Variants in DLGAP1 observed in about 807,000 individuals in gnomAD.
DLGAP1 encodes DLG associated protein 1.
In DLGAP1, 11 loss-of-function variants were observed where a neutral mutation model predicts 90.8. That is an observed-to-expected ratio of 0.12 (90% CI 0.08 to 0.20). The LOEUF is 0.20. DLGAP1 is among the 10% of genes least tolerant of loss of function. DLGAP1 has a pLI of 1.00. For synonymous variants in DLGAP1, 558 were observed against 540.7 expected (o/e 1.03, Z -0.44); for missense variants, 1,050 against 1,333.8 (o/e 0.79, Z 3.31).
intron 4 of DLGAP1, among the ~76,000 whole-genome samples, chr18:3,851,180 C>T (rs2069318607): frequency 6.6e-6 from 1 of 152,098 alleles, no homozygotes; most frequent in Non-Finnish European, 1.5e-5. Context: ...TGTTGAATAT[C>T]CACTCCCCAA....
intron 9 of DLGAP1, among the ~76,000 whole-genome samples, chr18:3,546,651 GA>G (rs139504155): frequency 0.54 from 79,474 of 148,522 alleles, 25,644 homozygotes; most frequent in Non-Finnish European, 0.69. Flanking sequence ...ATGGGTTAAA[GA>G]AAAAAAAAAT....
At chr18:3,501,527 C>T (rs1200504730) in intron 12 of DLGAP1, among the ~76,000 whole-genome samples, 2 of 152,142 alleles carry the variant, frequency 1.3e-5, no homozygotes, top group Non-Finnish European at 2.9e-5. Context: ...ACAGATGGTC[C>T]CTTGGGACTG....
chr18:4,377,649 T>A (rs2082041289), intron 1 of DLGAP1, among the ~76,000 whole-genome samples: 1 of 152,144 alleles, frequency 6.6e-6, no homozygotes. Flanking sequence ...ATTATTACTT[T>A]CTTATAAAAT....
intron 2 of DLGAP1, among the ~76,000 whole-genome samples, chr18:4,005,749 T>G (rs1300945185): frequency 6.6e-6 from 1 of 152,188 alleles, no homozygotes; most frequent in Non-Finnish European, 1.5e-5. Flanking sequence ...AATCAAGTGC[T>G]CCATAGTCTC....
At chr18:3,713,401 C>T (rs1038553406) in intron 7 of DLGAP1, among the ~76,000 whole-genome samples, 4 of 152,164 alleles carry the variant, frequency 2.6e-5, no homozygotes, top group East Asian at 1.9e-4. Context: ...GTGGACACAT[C>T]GCTCAGATAA....
At position 3,601,003 on chromosome 18, in the gene DLGAP1, GATATAGATAGAT is replaced by G. The variant is rs1406747604; in HGVS notation, c.1592-18767_1592-18756del. The stretch of plus-strand genomic sequence containing the variant: ...ATAGATATAGATATATAGATATATA[GATATAGATAGAT>G]ATATAGATATATAGATATAGAGATA... On this transcript the variant is annotated intron_variant, in intron 7 of 12. Transcript: ENST00000315677. Among the ~76,000 whole-genome samples, 7 of 135,596 alleles carry G rather than the reference GATATAGATAGAT, an allele frequency of 5.2e-5. No individual in the cohort carries two copies. The East Asian group carries it at 6.3e-4, about 12-fold the overall frequency. 89.0% of individuals were successfully genotyped at this position (135,596 alleles called of 152,430 possible).
intron 1 of DLGAP1, among the ~76,000 whole-genome samples, chr18:4,297,184 C>T (rs908539394): frequency 6.6e-6 from 1 of 151,938 alleles, no homozygotes; most frequent in African/African-American, 2.4e-5. Context: ...AAATGAGGCA[C>T]CTGGGGCTCA....
intron 7 of DLGAP1, among the ~76,000 whole-genome samples, chr18:3,612,461 G>A (rs1037291434): frequency 6.6e-6 from 1 of 152,180 alleles, no homozygotes; most frequent in Non-Finnish European, 1.5e-5. Context: ...GGGACCCGTG[G>A]CCCTTGTGAA....
intron 5 of DLGAP1, among the ~76,000 whole-genome samples, chr18:3,763,842 A>C (rs1229999852): frequency 6.6e-6 from 1 of 151,010 alleles, no homozygotes; most frequent in East Asian, 1.9e-4. Flanking sequence ...TTTTATATTT[A>C]GTACAGATGG....
At chr18:3,847,115 T>C (rs2069061958) in intron 4 of DLGAP1, among the ~76,000 whole-genome samples, 1 of 152,202 alleles carries the variant, frequency 6.6e-6, no homozygotes, top group African/African-American at 2.4e-5. Context: ...GCTAGGTCAG[T>C]AAATTTCTTT....
At chr18:4,053,071 C>T (rs11664623) in intron 2 of DLGAP1, among the ~76,000 whole-genome samples, 22,886 of 152,192 alleles carry the variant, frequency 0.15, 2,167 homozygotes, top group Non-Finnish European at 0.2. Flanking sequence ...CTGCCTGTTA[C>T]CCAGTTCCAA....
At chr18:3,523,615 A>G (rs1490908934) in intron 10 of DLGAP1, among the ~76,000 whole-genome samples, 4 of 152,076 alleles carry the variant, frequency 2.6e-5, no homozygotes, top group Non-Finnish European at 5.9e-5. Context: ...TGGGAGGCCA[A>G]GGAGGGCGGA....
At chr18:3,969,553 G>C (rs952161202) in intron 3 of DLGAP1, among the ~76,000 whole-genome samples, 1 of 152,140 alleles carries the variant, frequency 6.6e-6, no homozygotes, top group African/African-American at 2.4e-5. Context: ...TTGTAAAAGA[G>C]ATCCAGAAAA....
At chr18:3,914,126 A>G (rs1431085685) in intron 3 of DLGAP1, among the ~76,000 whole-genome samples, 1 of 152,188 alleles carries the variant, frequency 6.6e-6, no homozygotes, top group Non-Finnish European at 1.5e-5. Context: ...TAGGTTAACT[A>G]TAGTCATCAT....
intron 4 of DLGAP1, chr18:3,845,313 C>T: frequency 1.9e-6 from 3 of 1,599,676 alleles, no homozygotes; most frequent in Non-Finnish European, 1.7e-6. Context: ...TGGTATAGTG[C>T]AGCTGAGAGC....
chr18:3,954,207 A>AT (rs2073042025), intron 3 of DLGAP1, among the ~76,000 whole-genome samples: 1 of 152,196 alleles, frequency 6.6e-6, no homozygotes, highest in African/African-American at 2.4e-5. Context: ...GAGATCAAGT[A>AT]TTTTTTTAAA....
intron 2 of DLGAP1, among the ~76,000 whole-genome samples, chr18:4,033,927 C>A (rs2074842558): frequency 6.6e-6 from 1 of 150,430 alleles, no homozygotes; most frequent in South Asian, 2.1e-4. Context: ...TTAGTAGAGA[C>A]AAGGTTTCAC....
intron 1 of DLGAP1, chr18:4,293,474 T>G (rs2079900036): frequency 1.3e-5 from 2 of 152,180 alleles, no homozygotes; most frequent in Non-Finnish European, 2.9e-5. Context: ...AAAACAATAC[T>G]GAATCATGTA....
chr18:4,448,837 C>G (rs901944286), intron 1 of DLGAP1, among the ~76,000 whole-genome samples: 5 of 152,194 alleles, frequency 3.3e-5, no homozygotes, highest in Non-Finnish European at 7.3e-5. Flanking sequence ...CCTGTGAGAG[C>G]CAACCCACAT....
Sources: allele counts gnomAD v4.1 joint callset (sites outside exome capture counted in the v4.1 genomes callset), GRCh38; gene constraint gnomAD v4.1.1; transcripts MANE v1.5; gene names NCBI Gene and HGNC (gene_info 2026-07-23, HGNC 2026-07-21).